KCNK10: variants seen among roughly 807,000 people sequenced by gnomAD.
KCNK10 encodes the protein potassium channel subfamily K member 10.
A neutral mutation model predicts 47.7 loss-of-function variants in KCNK10; 25 were observed. That is an observed-to-expected ratio of 0.52 (90% CI 0.38 to 0.73). The LOEUF (loss-of-function observed/expected upper bound fraction) is 0.73. Among genes scored for constraint, KCNK10 ranks in the 30% least tolerant of loss-of-function variants. The pLI is 0.00. For missense variants in KCNK10, 563 were observed against 714.5 expected (o/e 0.79, Z 2.42); for synonymous variants, 303 against 285.6 (o/e 1.06, Z -0.61).
At chr14:88,295,018 G>A (rs572087443) in intron 1 of KCNK10, among the ~76,000 whole-genome samples, 10 of 152,270 alleles carry the variant, frequency 6.6e-5, no homozygotes, top group East Asian at 1.9e-4. Flanking sequence ...GACAGAAAAC[G>A]AGACTTTATG....
chr14:88,187,459 T>G (rs1884603189), intron 6 of KCNK10, among the ~76,000 whole-genome samples: 1 of 152,142 alleles, frequency 6.6e-6, no homozygotes, highest in African/African-American at 2.4e-5. Flanking sequence ...TATATTTGTC[T>G]CTATGGATGT....
At chr14:88,272,926 T>C (rs1008890574) in intron 1 of KCNK10, among the ~76,000 whole-genome samples, 1 of 152,186 alleles carries the variant, frequency 6.6e-6, no homozygotes, top group East Asian at 1.9e-4. Context: ...ATGACTCTTA[T>C]AAGCTTATAA....
Position 88,184,711 on chromosome 14 carries a change from A to ACCCATTTTTGCACCCAGTT in KCNK10, c.*823_*824insAACTGGGTGCAAAAATGGG, listed in dbSNP as rs1262136773. ...TACATGGACATTTCCAAATCAGTTTATTGTCACCATTGCACCCACTGAGGA... is the reference window on the plus strand; with the variant it reads ...TACATGGACATTTCCAAATCAGTTTACCCATTTTTGCACCCAGTTTTGTCACCATTGCACCCACTGAGGA... On this transcript the variant is annotated 3_prime_UTR_variant, in exon 7 of 7. Transcript: ENST00000319231. 6.6e-6 allele frequency: 1 copy of ACCCATTTTTGCACCCAGTT among 152,326 alleles called. No homozygotes were observed. The highest frequency in any genetic ancestry group is 1.5e-5 in the Non-Finnish European group (1 of 68,042). The allele number at this position is 152,326 out of a possible 1,614,324, so 9.4% of individuals were successfully genotyped here. A position where few individuals can be genotyped will look rare whatever the true frequency, so the allele number is the denominator to read the frequency against.
intron 1 of KCNK10, among the ~76,000 whole-genome samples, chr14:88,313,281 T>C (rs1415628373): frequency 1.3e-5 from 2 of 152,228 alleles, no homozygotes; most frequent in Non-Finnish European, 2.9e-5. Context: ...AAAAAATTCT[T>C]ACGGTGATTT....
rs893945194 is a variant in KCNK10 at position 88,260,538 on chromosome 14, C to G, written c.402+2664G>C. On this transcript the variant is annotated intron_variant, in intron 2 of 6. Transcript: ENST00000319231. The surrounding 1 kb of genome is among the most constrained non-coding windows in gnomAD (Gnocchi z 4.5). ...GGAGCTTATTATAAACCAAGATCTACTTAAAGGGCCTGTAGACTATTTGGA... is the reference window on the plus strand; with the variant it reads ...GGAGCTTATTATAAACCAAGATCTAGTTAAAGGGCCTGTAGACTATTTGGA... Among the ~76,000 whole-genome samples, 5 of 152,186 alleles carry G rather than the reference C, an allele frequency of 3.3e-5. No individual in the cohort carries two copies. The highest frequency in any genetic ancestry group is 1.2e-4 in the African/African-American group (5 of 41,468).
chr14:88,211,539 C>T (rs1394928352), intron 4 of KCNK10, among the ~76,000 whole-genome samples: 1 of 152,074 alleles, frequency 6.6e-6, no homozygotes, highest in African/African-American at 2.4e-5. Context: ...TAAAAAAAGG[C>T]ATAAAGAAAA....
intron 1 of KCNK10, among the ~76,000 whole-genome samples, chr14:88,319,185 G>C (rs542575086): frequency 3.9e-5 from 6 of 152,252 alleles, no homozygotes; most frequent in African/African-American, 1.4e-4. Context: ...TTTGGGTCTT[G>C]TTTTTACCTA....
At chr14:88,196,700 T>C (rs990917303) in intron 4 of KCNK10, among the ~76,000 whole-genome samples, 31 of 152,296 alleles carry the variant, frequency 2.0e-4, no homozygotes, top group African/African-American at 7.5e-4. Context: ...AAGCTAAACA[T>C]GCAGAGCTCA....
rs1274502669 is a variant in KCNK10 at position 88,323,232 on chromosome 14, A to G, written c.-434T>C. 9.9e-7 allele frequency: 1 copy of G among 1,013,606 alleles called. No individual in the cohort carries two copies. Among genetic ancestry groups the G allele is most frequent in the East Asian group, 9.6e-5 (1 of 10,376 alleles). 62.8% of individuals were successfully genotyped at this position (1,013,606 alleles called of 1,614,324 possible). On this transcript the variant is annotated 5_prime_UTR_variant, in exon 1 of 7. Coordinates refer to ENST00000319231, the MANE Select transcript of KCNK10 (RefSeq NM_138317.3). The stretch of plus-strand genomic sequence containing the variant: ...AAGGCGTGTGCGCACACACTCCCGC[A>G]CACACACACCCGCACACACACTCCC...
At chr14:88,225,650 AC>A (rs1286257238) in intron 4 of KCNK10, among the ~76,000 whole-genome samples, 1 of 152,232 alleles carries the variant, frequency 6.6e-6, no homozygotes, top group Non-Finnish European at 1.5e-5. Flanking sequence ...CCTTTCTTCT[AC>A]AAATAAGGAA....
intron 4 of KCNK10, among the ~76,000 whole-genome samples, chr14:88,219,447 C>T (rs1885727187): frequency 6.6e-6 from 1 of 152,250 alleles, no homozygotes; most frequent in Admixed American, 6.5e-5. Flanking sequence ...GCCTGAGAAG[C>T]TGCCTGGGTT....
At chr14:88,315,013 A>C (rs1418160495) in intron 1 of KCNK10, among the ~76,000 whole-genome samples, 1 of 151,972 alleles carries the variant, frequency 6.6e-6, no homozygotes, top group Admixed American at 6.6e-5. Flanking sequence ...ACAACCAACA[A>C]CTCAACTCCC....
chr14:88,318,616 G>T (rs1888476789), intron 1 of KCNK10, among the ~76,000 whole-genome samples: 1 of 152,180 alleles, frequency 6.6e-6, no homozygotes, highest in East Asian at 1.9e-4. Flanking sequence ...TAAGCAGTGG[G>T]AATTCCAAGC....
At chr14:88,211,284 C>T (rs1302631224) in intron 4 of KCNK10, among the ~76,000 whole-genome samples, 1 of 152,180 alleles carries the variant, frequency 6.6e-6, no homozygotes, top group Non-Finnish European at 1.5e-5. Context: ...ACTCCATTGA[C>T]ATGAGGTTCC....
At chr14:88,214,938 C>T (rs1326140746) in intron 4 of KCNK10, among the ~76,000 whole-genome samples, 1 of 152,166 alleles carries the variant, frequency 6.6e-6, no homozygotes, top group African/African-American at 2.4e-5. Context: ...GAAGAAAGGG[C>T]ATATAGTGGA....
intron 4 of KCNK10, among the ~76,000 whole-genome samples, chr14:88,198,099 T>C (rs968027160): frequency 6.6e-6 from 1 of 152,152 alleles, no homozygotes; most frequent in Non-Finnish European, 1.5e-5. Flanking sequence ...ATAACATTCT[T>C]GTAGCTCTGG....
rs55711197 is a variant in KCNK10 at position 88,207,168 on chromosome 14, C to CTTTT, written c.682-14762_682-14759dup. ...CTAGTTTCGATTTCAAGGTCACTCT[C>CTTTT]TTTTTTTTTTTTTTTTTTTTTTGAG... On this transcript the variant is annotated intron_variant, in intron 4 of 6. Coordinates refer to ENST00000319231, the MANE Select transcript of KCNK10 (RefSeq NM_138317.3). 8.5e-4 allele frequency among the ~76,000 whole-genome samples: 92 copies of CTTTT among 107,726 alleles called. 1 individual carries two copies. Among genetic ancestry groups the CTTTT allele is most frequent in the African/African-American group, 2.0e-3 (53 of 26,524 alleles). The allele number at this position is 107,726 out of a possible 152,430, so 70.7% of individuals were successfully genotyped here. A position where few individuals can be genotyped will look rare whatever the true frequency, so the allele number is the denominator to read the frequency against.
chr14:88,217,153 T>C (rs969360665), intron 4 of KCNK10, among the ~76,000 whole-genome samples: 32 of 152,200 alleles, frequency 2.1e-4, no homozygotes, highest in Non-Finnish European at 5.9e-5. Context: ...TGAGACTCCG[T>C]CTCAATAAAT....
chr14:88,232,155 A>G (rs1243518146), intron 3 of KCNK10, among the ~76,000 whole-genome samples: 2 of 152,230 alleles, frequency 1.3e-5, no homozygotes, highest in Non-Finnish European at 2.9e-5. Context: ...ACTAAAATAG[A>G]AACAGCTTAA....
Sources: gnomAD v4.1 joint callset for allele counts (sites outside exome capture counted in the v4.1 genomes callset) on GRCh38, gnomAD v4.1.1 for gene constraint, Gnocchi (gnomAD v3.1) non-coding constraint, MANE v1.5 for transcripts, NCBI Gene and HGNC (gene_info 2026-07-23, HGNC 2026-07-21) for gene names.